MECOM: variants seen among roughly 807,000 people sequenced by gnomAD.
The protein encoded by MECOM is histone-lysine N-methyltransferase MECOM.
A neutral mutation model predicts 116.3 loss-of-function variants in MECOM; 13 were observed. The ratio of observed to expected loss-of-function variants is 0.11; its 90% CI spans 0.07 to 0.18. The LOEUF (loss-of-function observed/expected upper bound fraction) is 0.18, where lower values mean the gene tolerates loss of function less well. Among genes scored for constraint, MECOM ranks in the 10% least tolerant of loss-of-function variants. The pLI is 1.00. For missense variants in MECOM, 1,299 were observed against 1,509.0 expected, an observed-to-expected ratio of 0.86 and a Z score of 2.31; for synonymous variants, 528 against 535.2, an observed-to-expected ratio of 0.99 and a Z score of 0.19.
intron 1 of MECOM, among the ~76,000 whole-genome samples, chr3:169,626,889 T>G (rs1348267329): frequency 1.3e-5 from 2 of 152,142 alleles, no homozygotes; most frequent in Non-Finnish European, 2.9e-5. Flanking sequence ...AAGTGGGGTT[T>G]TCCCTTTCTC....
chr3:169,529,008 G>T (rs769435954), intron 1 of MECOM, among the ~76,000 whole-genome samples: 6 of 152,146 alleles, frequency 3.9e-5, no homozygotes, highest in Non-Finnish European at 8.8e-5. Flanking sequence ...CATTTGAATT[G>T]CTGTAGGAGA....
chr3:169,444,172 C>T (rs1374752759), intron 1 of MECOM, among the ~76,000 whole-genome samples: 3 of 152,166 alleles, frequency 2.0e-5, no homozygotes, highest in African/African-American at 7.2e-5. Context: ...ACTCCCAAAT[C>T]TTATGAGGAC....
intron 2 of MECOM, chr3:169,146,438 G>C (rs770246166): frequency 3.6e-6 from 5 of 1,389,784 alleles, no homozygotes; most frequent in Non-Finnish European, 4.8e-6. Context: ...GGAGAAGAGC[G>C]CAAGGAAAAG....
chr3:169,631,940 T>C (rs1253909434), intron 1 of MECOM, among the ~76,000 whole-genome samples: 1 of 152,090 alleles, frequency 6.6e-6, no homozygotes, highest in Admixed American at 6.5e-5. Flanking sequence ...TGTCTGCTCT[T>C]GTTGATGTTA....
In MECOM at chr3:169,269,888, C is replaced by A. The variant is rs554442906; in HGVS notation, c.375+111299G>T. Among the ~76,000 whole-genome samples the A allele has an allele frequency of 9.9e-5, 15 of 152,044 alleles. No homozygotes were observed. The South Asian group carries it at 3.1e-3, about 32-fold the overall frequency. The stretch of plus-strand genomic sequence containing the variant: ...AAAAGAGAGTAGGTTTGTGTTATGG[C>A]AATAATTATTCATTAAGTGGAAAAT... On this transcript the variant is annotated intron_variant, in intron 2 of 16. Transcript: ENST00000651503.
intron 2 of MECOM, among the ~76,000 whole-genome samples, chr3:169,230,925 A>G (rs899247870): frequency 4.6e-5 from 7 of 152,194 alleles, no homozygotes; most frequent in African/African-American, 1.7e-4. Flanking sequence ...AAATAACAAC[A>G]CAAATAGAAA....
At chr3:169,647,466 A>G (rs907279200) in intron 1 of MECOM, among the ~76,000 whole-genome samples, 1 of 152,202 alleles carries the variant, frequency 6.6e-6, no homozygotes, top group Non-Finnish European at 1.5e-5. Context: ...CTAGGTAGTG[A>G]TAGAACCAAG....
intron 2 of MECOM, among the ~76,000 whole-genome samples, chr3:169,207,843 T>C (rs894731901): frequency 2.0e-5 from 3 of 152,172 alleles, no homozygotes; most frequent in African/African-American, 7.2e-5. Flanking sequence ...TAACCAATAT[T>C]GGCAGTCCCT....
chr3:169,436,631 T>G (rs1742701812), intron 1 of MECOM, among the ~76,000 whole-genome samples: 2 of 152,206 alleles, frequency 1.3e-5, no homozygotes, highest in South Asian at 4.1e-4. Context: ...TTTTCTCTTT[T>G]GACATTGATA....
chr3:169,657,875 C>T (rs530047676), intron 1 of MECOM, among the ~76,000 whole-genome samples: 1 of 152,124 alleles, frequency 6.6e-6, no homozygotes, highest in Non-Finnish European at 1.5e-5. Flanking sequence ...AAGGATTATA[C>T]TTTTTTCATT....
At chr3:169,470,294 A>G (rs1383651864) in intron 1 of MECOM, 2 of 152,220 alleles carry the variant, frequency 1.3e-5, no homozygotes, top group Non-Finnish European at 2.9e-5. Context: ...CTGAAGTCCT[A>G]TGAGACTACA....
chr3:169,393,951 G>A (rs762236300), intron 1 of MECOM, among the ~76,000 whole-genome samples: 5 of 151,926 alleles, frequency 3.3e-5, no homozygotes, highest in East Asian at 1.9e-4. Flanking sequence ...AAATCTATAC[G>A]AACCATGACT....
chr3:169,445,904 G>A (rs1001092483), intron 1 of MECOM, among the ~76,000 whole-genome samples: 2 of 152,162 alleles, frequency 1.3e-5, no homozygotes, highest in East Asian at 1.9e-4. Flanking sequence ...ACTGGATTTT[G>A]GACTTGCATG....
intron 2 of MECOM, among the ~76,000 whole-genome samples, chr3:169,327,339 T>C (rs1722000957): frequency 6.6e-6 from 1 of 152,022 alleles, no homozygotes; most frequent in East Asian, 1.9e-4. Context: ...AGTTAAAAAA[T>C]AAAAATTAAA....
chr3:169,156,983 A>G (rs1289639025), intron 2 of MECOM, among the ~76,000 whole-genome samples: 1 of 152,184 alleles, frequency 6.6e-6, no homozygotes, highest in Non-Finnish European at 1.5e-5. Context: ...GGCATACAAA[A>G]TTACAGGAAT....
At chr3:169,134,892 G>T (rs1009705160) in intron 3 of MECOM, among the ~76,000 whole-genome samples, 2 of 152,106 alleles carry the variant, frequency 1.3e-5, no homozygotes, top group Non-Finnish European at 2.9e-5. Context: ...GTGGGGAAAT[G>T]ATGGGATGTC....
At chr3:169,094,597 C>T (rs187383756) in intron 13 of MECOM, among the ~76,000 whole-genome samples, 271 of 152,318 alleles carry the variant, frequency 1.8e-3, no homozygotes, top group African/African-American at 6.2e-3. Flanking sequence ...TCAATAGTCT[C>T]ATATTCCCAG....
At chr3:169,114,770 C>T (rs1428151405) in intron 8 of MECOM, among the ~76,000 whole-genome samples, 1 of 151,974 alleles carries the variant, frequency 6.6e-6, no homozygotes, top group Non-Finnish European at 1.5e-5. Context: ...TATGTTTCAC[C>T]CCAAGATTTT....
At chr3:169,259,617 C>A (rs1757297148) in intron 2 of MECOM, among the ~76,000 whole-genome samples, 1 of 152,036 alleles carries the variant, frequency 6.6e-6, no homozygotes, top group South Asian at 2.1e-4. Context: ...TAGTTCCAGC[C>A]ACTCGGGAGG....
Sources: gnomAD v4.1 joint callset for allele counts (sites outside exome capture counted in the v4.1 genomes callset) on GRCh38, gnomAD v4.1.1 for gene constraint, MANE v1.5 for transcripts, NCBI Gene and HGNC (gene_info 2026-07-23, HGNC 2026-07-21) for gene names.